The following KCNIP4 variants were observed in gnomAD, a reference collection of about 807,000 sequenced individuals.
KCNIP4 encodes Kv channel-interacting protein 4.
A neutral mutation model predicts 34.0 loss-of-function variants in KCNIP4; 12 were observed. The observed-to-expected ratio is 0.35, with a 90% CI of 0.23 to 0.57. The LOEUF (loss-of-function observed/expected upper bound fraction) is 0.57. KCNIP4 is among the 20% of genes least tolerant of loss of function. The pLI is 0.83. For synonymous variants in KCNIP4, 124 were observed against 102.2 expected (o/e 1.21, Z -1.29); for missense variants, 238 against 311.7 (o/e 0.76, Z 1.78).
At chr4:21,798,070 T>C (rs994926409) in intron 1 of KCNIP4, among the ~76,000 whole-genome samples, 8 of 152,016 alleles carry the variant, frequency 5.3e-5, no homozygotes, top group Admixed American at 2.0e-4. Context: ...GCAATTCTCC[T>C]TTCCTTTCCT....
chr4:21,520,393 C>A (rs772965044), intron 1 of KCNIP4, among the ~76,000 whole-genome samples: 5 of 152,120 alleles, frequency 3.3e-5, no homozygotes, highest in Non-Finnish European at 5.9e-5. Flanking sequence ...ACCAGGTCTA[C>A]TGTATTTTGT....
chr4:21,078,409 T>C (rs1314480460), intron 1 of KCNIP4, among the ~76,000 whole-genome samples: 1 of 152,090 alleles, frequency 6.6e-6, no homozygotes, highest in Non-Finnish European at 1.5e-5. Flanking sequence ...GGTTGGATTC[T>C]GTTGAGGGCC....
chr4:20,864,058 A>G lies in KCNIP4; in HGVS notation c.164-13391T>C, dbSNP rs554078350. Among the ~76,000 whole-genome samples, 620 of 150,418 alleles carry G rather than the reference A, an allele frequency of 4.1e-3. 5 individuals carry two copies. The highest frequency in any genetic ancestry group is 0.015 in the African/African-American group (590 of 40,184). The stretch of plus-strand genomic sequence containing the variant: ...TGTATGTATACGCATGTATGTATAC[A>G]CATGTATGTATACGTATGTATGTAT... On this transcript the variant is annotated intron_variant, in intron 2 of 8. Coordinates refer to ENST00000382152, the MANE Select transcript of KCNIP4 (RefSeq NM_025221.6).
In KCNIP4 at chr4:21,216,512, A is replaced by C. The variant is rs140117843; in HGVS notation, c.62-333803T>G. On this transcript the variant is annotated intron_variant, in intron 1 of 8. Coordinates refer to ENST00000382152, the MANE Select transcript of KCNIP4 (RefSeq NM_025221.6). Reference sequence around the variant, plus strand: ...ACTATACTAGTATTTGTCCTAGGCCAGATTATTTAATTCTTGTGAAGACAC... The same window carrying C: ...ACTATACTAGTATTTGTCCTAGGCCCGATTATTTAATTCTTGTGAAGACAC... Among the ~76,000 whole-genome samples, 495 of 152,340 alleles carry C rather than the reference A, an allele frequency of 3.2e-3. 3 individuals are homozygous for C. Among genetic ancestry groups the C allele is most frequent in the African/African-American group, 0.011 (472 of 41,576 alleles).
At chr4:20,832,764 G>C (rs1433014133) in intron 3 of KCNIP4, among the ~76,000 whole-genome samples, 1 of 150,596 alleles carries the variant, frequency 6.6e-6, no homozygotes, top group East Asian at 1.9e-4. Context: ...GAAGGATTTG[G>C]TAGGTGATGT....
chr4:21,250,672 T>C (rs1472316695), intron 1 of KCNIP4, among the ~76,000 whole-genome samples: 1 of 152,074 alleles, frequency 6.6e-6, no homozygotes, highest in Non-Finnish European at 1.5e-5. Context: ...GCTGGCGATT[T>C]TATGGGATGG....
intron 1 of KCNIP4, among the ~76,000 whole-genome samples, chr4:21,531,893 T>A (rs530861721): frequency 6.6e-6 from 1 of 152,240 alleles, no homozygotes; most frequent in East Asian, 1.9e-4. Context: ...AGCAATAATA[T>A]AATGTAAAGT....
intron 1 of KCNIP4, among the ~76,000 whole-genome samples, chr4:21,375,193 T>C (rs908929538): frequency 1.4e-5 from 2 of 146,000 alleles, no homozygotes; most frequent in African/African-American, 5.6e-5. Flanking sequence ...TAGCCTTTTA[T>C]GTTTATTGTT....
At chr4:21,911,080 G>T (rs77911137) in intron 1 of KCNIP4, among the ~76,000 whole-genome samples, 3,814 of 151,884 alleles carry the variant, frequency 0.025, 81 homozygotes, top group Middle Eastern at 0.051. Context: ...ACTAACCAAA[G>T]AACTAATTTA....
At chr4:21,598,625 C>G (rs1742844908) in intron 1 of KCNIP4, among the ~76,000 whole-genome samples, 1 of 152,048 alleles carries the variant, frequency 6.6e-6, no homozygotes, top group Non-Finnish European at 1.5e-5. Context: ...CTCTCTAATT[C>G]TAAAGACACT....
intron 3 of KCNIP4, among the ~76,000 whole-genome samples, chr4:20,764,390 A>T (rs1161877357): frequency 6.6e-6 from 1 of 152,086 alleles, no homozygotes; most frequent in African/African-American, 2.4e-5. Context: ...GCATCCATTG[A>T]ACTTACCATA....
intron 1 of KCNIP4, among the ~76,000 whole-genome samples, chr4:21,427,096 A>G (rs1725996470): frequency 6.6e-6 from 1 of 152,018 alleles, no homozygotes; most frequent in Non-Finnish European, 1.5e-5. Flanking sequence ...TGACTGAGAG[A>G]ATGTTTCAGT....
chr4:20,957,523 T>C (rs16870269), intron 1 of KCNIP4, among the ~76,000 whole-genome samples: 3,495 of 152,160 alleles, frequency 0.023, 115 homozygotes, highest in African/African-American at 0.071. Flanking sequence ...CAGAGAGATA[T>C]TATTTCATTC....
At chr4:21,086,180 A>G (rs914366623) in intron 1 of KCNIP4, among the ~76,000 whole-genome samples, 2 of 152,092 alleles carry the variant, frequency 1.3e-5, no homozygotes, top group Non-Finnish European at 2.9e-5. Flanking sequence ...GTGCCTAACG[A>G]TTCTATATTG....
At chr4:20,798,709 T>C (rs1353640247) in intron 3 of KCNIP4, among the ~76,000 whole-genome samples, 2 of 152,110 alleles carry the variant, frequency 1.3e-5, no homozygotes, top group Non-Finnish European at 2.9e-5. Context: ...ATCCCCTCAG[T>C]TGGAATCAGC....
intron 1 of KCNIP4, among the ~76,000 whole-genome samples, chr4:21,285,578 C>T (rs1258384944): frequency 2.0e-5 from 3 of 152,062 alleles, no homozygotes; most frequent in Non-Finnish European, 1.5e-5. Context: ...CCTGTAATCC[C>T]AGCATCTTGG....
intron 1 of KCNIP4, among the ~76,000 whole-genome samples, chr4:21,254,971 C>T (rs891452846): frequency 1.3e-4 from 20 of 152,256 alleles, no homozygotes; most frequent in Admixed American, 9.2e-4. Flanking sequence ...AACTGATGAA[C>T]CACTATTTTC....
intron 1 of KCNIP4, among the ~76,000 whole-genome samples, chr4:21,102,763 T>C (rs918937022): frequency 6.6e-6 from 1 of 152,202 alleles, no homozygotes; most frequent in Admixed American, 6.5e-5. Context: ...TAAACAAAGC[T>C]GCCTTTGTTG....
intron 3 of KCNIP4, among the ~76,000 whole-genome samples, chr4:20,817,466 G>T (rs562157684): frequency 3.4e-4 from 52 of 152,164 alleles, no homozygotes; most frequent in African/African-American, 1.2e-3. Flanking sequence ...TGCCTGCAAT[G>T]CCCCCTCTCT....
Sources: gnomAD v4.1 joint callset for allele counts (sites outside exome capture counted in the v4.1 genomes callset) on GRCh38, gnomAD v4.1.1 for gene constraint, MANE v1.5 for transcripts, NCBI Gene and HGNC (gene_info 2026-07-23, HGNC 2026-07-21) for gene names.